PHGDH: variants seen among roughly 807,000 people sequenced by gnomAD.
PHGDH encodes phosphoglycerate dehydrogenase, also known as D-3-phosphoglycerate dehydrogenase.
PHGDH carries 50 observed loss-of-function variants against 52.6 expected under a neutral mutation model. The ratio of observed to expected loss-of-function variants is 0.95; its 90% CI spans 0.76 to 1.20. PHGDH has a LOEUF of 1.20. Ranked by LOEUF, PHGDH falls within the 50% of genes most tolerant of loss-of-function variation. The probability of loss-of-function intolerance (pLI) is 0.00; values close to 1 mark genes in which losing one functional copy is unlikely to be tolerated. For missense variants in PHGDH, 630 were observed against 684.6 expected, an observed-to-expected ratio of 0.92 and a Z score of 0.89; for synonymous variants, 271 against 280.5, an observed-to-expected ratio of 0.97 and a Z score of 0.34.
intron 5 of PHGDH, among the ~76,000 whole-genome samples, chr1:119,733,481 A>G (rs750201819): frequency 3.3e-4 from 47 of 144,110 alleles, no homozygotes; most frequent in Non-Finnish European, 6.2e-4. Flanking sequence ...GCACAGGTGC[A>G]TGCCACCAAA....
At chr1:119,734,110 C>T (rs942796030) in intron 5 of PHGDH, among the ~76,000 whole-genome samples, 2 of 152,176 alleles carry the variant, frequency 1.3e-5, no homozygotes, top group Non-Finnish European at 1.5e-5. Context: ...TGTTTTAGTA[C>T]CTGATGCACC....
intron 3 of PHGDH, 153 bp from the exon 4 acceptor site, chr1:119,726,698 T>G: frequency 2.8e-6 from 2 of 708,308 alleles, no homozygotes; most frequent in Non-Finnish European, 5.2e-6. Flanking sequence ...TTTCCCTTTA[T>G]CCCCCATCAG....
intron 5 of PHGDH, among the ~76,000 whole-genome samples, chr1:119,732,110 C>G (rs1651719228): frequency 6.6e-6 from 1 of 152,204 alleles, no homozygotes; most frequent in African/African-American, 2.4e-5. Flanking sequence ...AAAAATTCAG[C>G]TGTGGGGCAG....
intron 1 of PHGDH, among the ~76,000 whole-genome samples, chr1:119,716,418 G>A (rs1650940002): frequency 6.6e-6 from 1 of 152,170 alleles, no homozygotes; most frequent in African/African-American, 2.4e-5. Context: ...GCTTGTTCAG[G>A]GGCTACAAGA....
chr1:119,739,836 C>T (rs1157633399), intron 8 of PHGDH: 10 of 156,472 alleles, frequency 6.4e-5, no homozygotes, highest in Non-Finnish European at 1.1e-4. Flanking sequence ...TGTGTCCCCT[C>T]AGTGTCACAA....
Position 119,740,444 on chromosome 1 carries a change from T to A in PHGDH, c.1004T>A (p.Leu335Gln). The change falls in exon 9 of 12, where the codon CTG becomes CAG. Residue 335 changes from leucine to glutamine, a missense_variant. Transcript: ENST00000641023. ...CCACACACCAAGCCTTGGATTGGTC[T>A]GGCAGAAGCTCTGGGGACACTGATG... ...FSPHTKPWIG[L>Q]AEALGTLMRA... 1 of 1,613,082 alleles carries A rather than the reference T, an allele frequency of 6.2e-7. No homozygotes were observed. Among genetic ancestry groups the A allele is most frequent in the Non-Finnish European group, 8.5e-7 (1 of 1,179,536 alleles).
chr1:119,726,345 G>A (rs941383273), intron 3 of PHGDH, among the ~76,000 whole-genome samples: 1 of 152,150 alleles, frequency 6.6e-6, no homozygotes, highest in Non-Finnish European at 1.5e-5. Flanking sequence ...GTCCAGACTA[G>A]TCTAAGACCC....
intron 5 of PHGDH, among the ~76,000 whole-genome samples, chr1:119,733,833 G>A (rs1258955274): frequency 3.3e-5 from 5 of 152,136 alleles, no homozygotes; most frequent in Non-Finnish European, 5.9e-5. Flanking sequence ...TTTACATTCT[G>A]TCTCGGGGTT....
chr1:119,718,256 G>C (rs1651013626), intron 1 of PHGDH, among the ~76,000 whole-genome samples: 1 of 152,208 alleles, frequency 6.6e-6, no homozygotes, highest in Non-Finnish European at 1.5e-5. Flanking sequence ...CTTGATTCCA[G>C]CTTCTGCCAT....
intron 1 of PHGDH, among the ~76,000 whole-genome samples, chr1:119,716,409 C>G (rs1650939619): frequency 6.6e-6 from 1 of 152,188 alleles, no homozygotes; most frequent in Admixed American, 6.5e-5. Context: ...TGTTTCTGTG[C>G]TTGTTCAGGG....
At chr1:119,724,809 G>A (rs763010369) in intron 3 of PHGDH, 40 of 456,672 alleles carry the variant, frequency 8.8e-5, no homozygotes, top group South Asian at 6.2e-4. Flanking sequence ...AAAGGAATCG[G>A]TGAAATGCTG....
intron 5 of PHGDH, among the ~76,000 whole-genome samples, chr1:119,731,210 T>TGAC (rs1651675497): frequency 6.6e-6 from 1 of 151,980 alleles, no homozygotes; most frequent in African/African-American, 2.4e-5. Flanking sequence ...GCAAGGGAGG[T>TGAC]GACATTCCTC....
chr1:119,731,489 T>C (rs1350718814), intron 5 of PHGDH, among the ~76,000 whole-genome samples: 1 of 152,300 alleles, frequency 6.6e-6, no homozygotes, highest in Admixed American at 6.5e-5. Context: ...GTAGCCAGCG[T>C]TGTGATGAAT....
At chr1:119,733,929 A>G (rs1446113631) in intron 5 of PHGDH, among the ~76,000 whole-genome samples, 1 of 152,134 alleles carries the variant, frequency 6.6e-6, no homozygotes, top group Admixed American at 6.5e-5. Context: ...TCCTTTATTT[A>G]GGGTTGAGGA....
intron 9 of PHGDH, among the ~76,000 whole-genome samples, chr1:119,741,315 C>T (rs1259451360): frequency 6.6e-6 from 1 of 152,174 alleles, no homozygotes; most frequent in Non-Finnish European, 1.5e-5. Context: ...TCCCACTGGC[C>T]TGGGTGTCCA....
At chr1:119,734,929 T>C (rs587670244) in intron 6 of PHGDH, 163 bp downstream of exon 6, 4 of 784,220 alleles carry the variant, frequency 5.1e-6, no homozygotes, top group African/African-American at 1.7e-5. Context: ...CTACGTTGGA[T>C]AGGGGAGGGT....
chr1:119,741,341 A>G (rs753027948), intron 9 of PHGDH, among the ~76,000 whole-genome samples: 1 of 152,174 alleles, frequency 6.6e-6, no homozygotes, highest in Non-Finnish European at 1.5e-5. Flanking sequence ...CGAAGGAAAC[A>G]AGGCAGGGAG....
In PHGDH at chr1:119,727,276, T is replaced by C. The variant is rs587616857; in HGVS notation, c.510+174T>C. The C allele has an allele frequency of 9.4e-5, 61 of 647,016 alleles. No homozygotes were observed. The South Asian group carries it at 1.0e-3, about 11-fold the overall frequency. The allele number at this position is 647,016 out of a possible 1,614,324, so 40.1% of individuals were successfully genotyped here. A position where few individuals can be genotyped will look rare whatever the true frequency, so the allele number is the denominator to read the frequency against. On this transcript the variant is annotated intron_variant, in intron 5 of 11. Coordinates refer to ENST00000641023, the MANE Select transcript of PHGDH (RefSeq NM_006623.4). ...GGGAGAGAACACTGGCCTGCTGATC[T>C]GGACTCAAAAGCTGGAAATACTTGG...
At chr1:119,737,317 A>G (rs766969098) in intron 8 of PHGDH, 51 bp downstream of exon 8, 1 of 1,528,372 alleles carries the variant, frequency 6.5e-7, no homozygotes, top group African/African-American at 1.4e-5. Context: ...GGAGGAGAGG[A>G]AGGAAGGCAT....
Sources: gnomAD v4.1 joint callset for allele counts (sites outside exome capture counted in the v4.1 genomes callset) on GRCh38, gnomAD v4.1.1 for gene constraint, MANE v1.5 for transcripts, NCBI Gene and HGNC (gene_info 2026-07-23, HGNC 2026-07-21) for gene names.